CDKN2A: variants seen among roughly 807,000 people sequenced by gnomAD.
The protein encoded by CDKN2A is cyclin dependent kinase inhibitor 2A, also known as cyclin-dependent kinase inhibitor 2A.
Under a neutral mutation model 11.1 loss-of-function variants are expected in CDKN2A, and 3 were observed. That is an observed-to-expected ratio of 0.27 (90% confidence interval 0.12 to 0.70). The LOEUF is 0.70. Among genes scored for constraint, CDKN2A ranks in the 30% least tolerant of loss-of-function variants. CDKN2A has a pLI of 0.77. For missense variants in CDKN2A, 265 were observed against 233.6 expected, an observed-to-expected ratio of 1.13 and a Z score of -0.88; for synonymous variants, 122 against 108.1, an observed-to-expected ratio of 1.13 and a Z score of -0.80.
At position 21,974,615 on chromosome 9, in the gene CDKN2A, T is replaced by C. The variant is rs759061855; in HGVS notation, c.150+63A>G. On this transcript the variant is annotated intron_variant, in intron 1 of 2. Coordinates refer to ENST00000304494, the MANE Select transcript of CDKN2A (RefSeq NM_000077.5). The surrounding 1 kb of genome is among the most constrained non-coding windows in gnomAD (Gnocchi z 5.2). ...AAGCGCTACCTGATTCCAATTCCCC[T>C]GCAAACTTCGTCCTCCAGAGTCGCC... The C allele has an allele frequency of 6.2e-7, 1 of 1,614,142 alleles. No individual in the cohort carries two copies. Among genetic ancestry groups the C allele is most frequent in the South Asian group, 1.1e-5 (1 of 91,072 alleles).
intron 2 of CDKN2A, chr9:21,989,972 T>A (rs1227419233): frequency 6.6e-6 from 1 of 151,658 alleles, no homozygotes; most frequent in Non-Finnish European, 1.5e-5. Flanking sequence ...ATTGAGAGAG[T>A]GGGGAAGTTA....
At position 21,968,737 on chromosome 9, in the gene CDKN2A, G is replaced by A. The variant is rs1205100959; in HGVS notation, c.458-495C>T. ...TCCCGTAGCTTCCCTACGCATGCCT[G>A]CTTCTACAAACCCACAAATGGTTTC... On this transcript the variant is annotated intron_variant, in intron 2 of 2. Coordinates refer to ENST00000304494, the MANE Select transcript of CDKN2A (RefSeq NM_000077.5). The surrounding 1 kb of genome is among the most constrained non-coding windows in gnomAD (Gnocchi z 4.7). The A allele has an allele frequency of 6.5e-7, 1 of 1,536,168 alleles. No homozygotes were observed.
intron 2 of CDKN2A, among the ~76,000 whole-genome samples, chr9:21,984,651 C>T (rs751763228): frequency 6.6e-6 from 1 of 151,880 alleles, no homozygotes; most frequent in South Asian, 2.1e-4. Context: ...ATAATGTATT[C>T]GGTTTTCACT....
rs1057517575 is a variant in CDKN2A at position 21,994,253 on chromosome 9, T to G, written c.-175-200A>C. 2.4e-5 allele frequency: 39 copies of G among 1,606,486 alleles called. No homozygotes were observed. Among genetic ancestry groups the G allele is most frequent in the Non-Finnish European group, 3.3e-5 (39 of 1,178,772 alleles). ...GCCCACTCCCCCGTGAGCCGCGGGA[T>G]GTGAACCACGAAAACCCTCACTCGC... On this transcript the variant is annotated intron_variant, in intron 1 of 3. Coordinates refer to the CDKN2A transcript ENST00000494262.
intron 2 of CDKN2A, among the ~76,000 whole-genome samples, chr9:21,987,168 C>T (rs948432334): frequency 4.0e-5 from 6 of 151,592 alleles, no homozygotes; most frequent in Non-Finnish European, 8.8e-5. Context: ...CTATATTTCC[C>T]CCCCCATCAC....
chr9:21,968,115 A>C lies in CDKN2A; in HGVS notation c.*114T>G, dbSNP rs1399129855. 1.1e-6 allele frequency: 1 copy of C among 918,406 alleles called. No individual in the cohort carries two copies. The highest frequency in any genetic ancestry group is 2.4e-5 in the East Asian group (1 of 41,714). 56.9% of individuals were successfully genotyped at this position (918,406 alleles called of 1,614,324 possible). A position where few individuals can be genotyped will look rare whatever the true frequency, so the allele number is the denominator to read the frequency against. On this transcript the variant is annotated 3_prime_UTR_variant, in exon 3 of 3. Transcript: ENST00000304494. This position sits in a 1 kb window ranked among gnomAD's most constrained non-coding sequence, Gnocchi z 4.7. ...ACATTTTTAAAAGCTCTATTTTCTAAATGAAAACTACGAAAGCGGGGTGGG... is the reference window on the plus strand; with the variant it reads ...ACATTTTTAAAAGCTCTATTTTCTACATGAAAACTACGAAAGCGGGGTGGG...
At chr9:21,980,123 A>G (rs1400023000) in intron 2 of CDKN2A, among the ~76,000 whole-genome samples, 2 of 152,334 alleles carry the variant, frequency 1.3e-5, no homozygotes, top group African/African-American at 4.8e-5. Context: ...GACAGTTCTC[A>G]TGTATCTAAT....
At chr9:21,985,185 T>A (rs1206204641) in intron 2 of CDKN2A, among the ~76,000 whole-genome samples, 1 of 151,950 alleles carries the variant, frequency 6.6e-6, no homozygotes, top group African/African-American at 2.4e-5. Context: ...AGATGATAAC[T>A]TCCATAATTA....
chr9:21,990,651 A>AGAGAGAGAGAG (rs1464228871), intron 2 of CDKN2A, among the ~76,000 whole-genome samples: 94 of 147,736 alleles, frequency 6.4e-4, no homozygotes, highest in South Asian at 2.6e-3. Flanking sequence ...AGAGAGAGAG[A>AGAGAGAGAGAG]AACTGTTTAC....
intron 1 of CDKN2A, 94 bp from the exon 2 acceptor site, chr9:21,971,302 C>T (rs994506918): frequency 6.5e-7 from 1 of 1,534,712 alleles, no homozygotes; most frequent in Non-Finnish European, 8.7e-7. Flanking sequence ...AAGCAGACCC[C>T]CACACAAGCC....
intron 2 of CDKN2A, among the ~76,000 whole-genome samples, chr9:21,982,058 T>C (rs929605287): frequency 2.6e-5 from 4 of 152,204 alleles, no homozygotes; most frequent in Non-Finnish European, 5.9e-5. Context: ...TAGTATTTGC[T>C]ATAAGGAAGG....
At chr9:21,987,273 G>C (rs1043043823) in intron 2 of CDKN2A, among the ~76,000 whole-genome samples, 4 of 151,776 alleles carry the variant, frequency 2.6e-5, no homozygotes, top group African/African-American at 9.7e-5. Flanking sequence ...CCTGATCTTA[G>C]ATAAGCATAA....
At chr9:21,972,007 C>CA (rs1399800219) in intron 1 of CDKN2A, among the ~76,000 whole-genome samples, 3 of 152,070 alleles carry the variant, frequency 2.0e-5, no homozygotes, top group Non-Finnish European at 4.4e-5. Context: ...ACCATCTCCC[C>CA]ATTCCTCCCA....
exon 2 of CDKN2A, chr9:21,994,003 C>T (rs1478523311): frequency 3.1e-6 from 3 of 964,044 alleles, no homozygotes; most frequent in African/African-American, 1.6e-5. Context: ...CGTTGTAACC[C>T]GAATGGGGAA....
intron 2 of CDKN2A, chr9:21,970,192 G>C: frequency 4.1e-6 from 1 of 242,558 alleles, no homozygotes; most frequent in Non-Finnish European, 8.0e-6. Context: ...GATGCTTTGA[G>C]ATCACAAAAA....
upstream of CDKN2A, chr9:21,974,922 C>G (rs2131115156): frequency 7.0e-7 from 1 of 1,431,156 alleles, no homozygotes. The surrounding 1 kb of genome is among the most constrained non-coding windows in gnomAD (Gnocchi z 5.2). Context: ...CCAGCCCCTC[C>G]TCTTTCTTCC....
rs1819494987 is a variant in CDKN2A at position 21,968,059 on chromosome 9, G to A, written c.*170C>T. 3 of 663,926 alleles carry A rather than the reference G, an allele frequency of 4.5e-6. No individual in the cohort carries two copies. Among genetic ancestry groups the A allele is most frequent in the South Asian group, 3.5e-5 (2 of 56,838 alleles). 41.1% of individuals were successfully genotyped at this position (663,926 alleles called of 1,614,324 possible). ...TATAAATGGACATTTACGGTAGTGG[G>A]GGAAGGCATATATCTACGTTAAAAG... On this transcript the variant is annotated 3_prime_UTR_variant, in exon 3 of 3. Transcript: ENST00000304494. This position sits in a 1 kb window ranked among gnomAD's most constrained non-coding sequence, Gnocchi z 4.7.
chr9:21,969,419 T>C (rs746721456), intron 2 of CDKN2A: 2 of 286,036 alleles, frequency 7.0e-6, no homozygotes, highest in Non-Finnish European at 1.3e-5. Flanking sequence ...AGACTCTTGT[T>C]TGGTCTCATT....
Position 21,968,823 on chromosome 9 carries a change from T to C in CDKN2A, c.458-581A>G. The C allele has an allele frequency of 1.3e-6, 2 of 1,523,482 alleles. No homozygotes were observed. The highest frequency in any genetic ancestry group is 3.9e-5 in the Admixed American group (2 of 50,982). The allele number at this position is 1,523,482 out of a possible 1,614,324, so 94.4% of individuals were successfully genotyped here. A position where few individuals can be genotyped will look rare whatever the true frequency, so the allele number is the denominator to read the frequency against. Reference sequence around the variant, plus strand: ...TCATGTGCTCTGGCTTCTGCCTTCCTCTCTAATCTCGTTGCGTATGGGCTC... The same window carrying C: ...TCATGTGCTCTGGCTTCTGCCTTCCCCTCTAATCTCGTTGCGTATGGGCTC... On this transcript the variant is annotated intron_variant, in intron 2 of 2. Coordinates refer to ENST00000304494, the MANE Select transcript of CDKN2A (RefSeq NM_000077.5). The surrounding 1 kb of genome is among the most constrained non-coding windows in gnomAD (Gnocchi z 4.7).
Sources: allele counts gnomAD v4.1 joint callset (sites outside exome capture counted in the v4.1 genomes callset), GRCh38; gene constraint gnomAD v4.1.1; non-coding constraint Gnocchi (gnomAD v3.1); transcripts MANE v1.5; gene names NCBI Gene and HGNC (gene_info 2026-07-23, HGNC 2026-07-21).